The following TNXB variants were observed in gnomAD, a reference collection of about 807,000 sequenced individuals.
The protein encoded by TNXB is tenascin-X.
Under a neutral mutation model 340.5 loss-of-function variants are expected in TNXB, and 183 were observed. That is an observed-to-expected ratio of 0.54 (90% CI 0.48 to 0.61). The LOEUF (loss-of-function observed/expected upper bound fraction) is 0.61, where lower values mean the gene tolerates loss of function less well. TNXB is among the 20% of genes least tolerant of loss of function. The pLI, the probability that TNXB is intolerant of heterozygous loss-of-function variation, is 0.00. For missense variants in TNXB, 4,613 were observed against 5,446.4 expected, an observed-to-expected ratio of 0.85 and a Z score of 4.82; for synonymous variants, 2,121 against 2,314.5, an observed-to-expected ratio of 0.92 and a Z score of 2.40.
chr6:32,095,753 T>G lies in TNXB; in HGVS notation c.2100A>C (p.Ala700=). 6.2e-7 allele frequency: 1 copy of G among 1,613,708 alleles called. No individual in the cohort carries two copies. The highest frequency in any genetic ancestry group is 8.5e-7 in the Non-Finnish European group (1 of 1,179,796). ...AGCCCTCTACACACACACACTGGCC[T>G]GCCCGGCACAGTTCCCGGGGCCCGC... The part of the protein sequence containing the change: ...GGCGPRELCR[A]GQCVCVEGFR... The change falls in exon 3 of 44, where the codon GCA becomes GCC. Residue 700 remains alanine (A), a synonymous_variant. Coordinates refer to ENST00000644971, the MANE Select transcript of TNXB (RefSeq NM_001365276.2).
At chr6:32,057,300 G>C in intron 22 of TNXB, among the ~76,000 whole-genome samples, 1 of 152,188 alleles carries the variant, frequency 6.6e-6, no homozygotes, top group East Asian at 1.9e-4. Context: ...AGCCTGGGGT[G>C]TGTTCCTGGA....
rs759959912 is a variant in TNXB at position 32,070,264 on chromosome 6, G to A, written c.5141C>T (p.Pro1714Leu). The change falls in exon 14 of 44, where the codon CCC becomes CTC. Residue 1714 changes from proline to leucine, a missense_variant. Around this residue, in one of 7 missense-constraint regions of TNXB, gnomAD observed 4,327 missense variants for 4,859.4 expected, o/e 0.89. Coordinates refer to ENST00000644971, the MANE Select transcript of TNXB (RefSeq NM_001365276.2). The surrounding 1 kb of genome is among the most constrained non-coding windows in gnomAD (Gnocchi z 6.0). ...ATGGCCCTCCACGGGCACCACCTGG[G>A]GCCCGTCTTTGTCCTTGAACTGGAC... is the stretch of plus-strand genomic sequence containing the variant. ...FVVQFKDKDGPQVVPVEGHER... is the reference protein window; with the variant it reads ...FVVQFKDKDGLQVVPVEGHER... 10 of 1,612,642 alleles carry A rather than the reference G, an allele frequency of 6.2e-6. No individual in the cohort carries two copies. In the South Asian group the frequency reaches 8.8e-5, roughly 14 times the overall value.
In TNXB at chr6:32,069,520, G is replaced by A; in HGVS notation, c.5587+33C>T. ...CAGACCAGGAGAGCCAGGCGGGAAGGAGGCACAGGTGTTCCAGCTGCCGCA... is the reference window on the plus strand; with the variant it reads ...CAGACCAGGAGAGCCAGGCGGGAAGAAGGCACAGGTGTTCCAGCTGCCGCA... On this transcript the variant is annotated intron_variant, in intron 15 of 43. Coordinates refer to ENST00000644971, the MANE Select transcript of TNXB (RefSeq NM_001365276.2). The surrounding 1 kb of genome is among the most constrained non-coding windows in gnomAD (Gnocchi z 6.2). 1 of 1,520,214 alleles carries A rather than the reference G, an allele frequency of 6.6e-7. No homozygotes were observed. Among genetic ancestry groups the A allele is most frequent in the Non-Finnish European group, 8.8e-7 (1 of 1,132,678 alleles). 94.2% of individuals were successfully genotyped at this position (1,520,214 alleles called of 1,614,324 possible).
rs1049942223 is a variant in TNXB at position 32,084,218 on chromosome 6, T to G, written c.3445+195A>C. ...ACTGGCCATGCTCTCCCCACCTTACTCACCGTGACTCCCTCAGGCTGCACT... is the reference window on the plus strand; with the variant it reads ...ACTGGCCATGCTCTCCCCACCTTACGCACCGTGACTCCCTCAGGCTGCACT... On this transcript the variant is annotated intron_variant, in intron 8 of 43. Transcript: ENST00000644971. The surrounding 1 kb of genome is among the most constrained non-coding windows in gnomAD (Gnocchi z 5.5). 1.3e-5 allele frequency among the ~76,000 whole-genome samples: 2 copies of G among 152,122 alleles called. No individual in the cohort carries two copies. The highest frequency in any genetic ancestry group is 2.9e-5 in the Non-Finnish European group (2 of 68,018).
intron 4 of TNXB, chr6:32,093,149 C>T: frequency 2.1e-6 from 1 of 475,050 alleles, no homozygotes; most frequent in Non-Finnish European, 3.7e-6. Context: ...AAGAAACTTC[C>T]TTTTCGAAGT....
At chr6:32,102,353 C>T (rs1780761120) in intron 1 of TNXB, among the ~76,000 whole-genome samples, 1 of 152,116 alleles carries the variant, frequency 6.6e-6, no homozygotes, top group Non-Finnish European at 1.5e-5. Flanking sequence ...GAGATTTATT[C>T]CTATATTAGC....
Position 32,097,949 on chromosome 6 carries a change from C to T in TNXB, c.250G>A (p.Gly84Ser). The T allele has an allele frequency of 6.3e-7, 1 of 1,598,134 alleles. No individual in the cohort carries two copies. The highest frequency in any genetic ancestry group is 8.5e-7 in the Non-Finnish European group (1 of 1,170,898). Residue 84 changes from glycine to serine, a missense_variant, in exon 2 of 44, where the codon GGC (glycine) becomes AGC (serine). Physicochemically the swap from Gly to Ser is moderately conservative, Grantham distance 56. This residue lies in a region of TNXB where 4,327 missense variants were observed against 4,859.4 expected (regional missense o/e 0.89). Transcript: ENST00000644971. The surrounding 1 kb of genome is among the most constrained non-coding windows in gnomAD (Gnocchi z 5.9). ...TCGGTGCCTGGGGGACAGCCACAGC[C>T]AGTGGAAGGGGGCAGGTTAATGCGG... is the stretch of plus-strand genomic sequence containing the variant. The part of the protein sequence containing the change: ...THRINLPPST[G>S]CGCPPGTEPP...
chr6:32,041,371 C>G lies in TNXB; in HGVS notation c.12713G>C (p.Arg4238Pro), dbSNP rs746223901. Residue 4238 changes from arginine to proline, a missense_variant, in exon 44 of 44, where the codon CGC becomes CCC. Transcript: ENST00000644971. ...AGCTCAGCCTCCCCCCGCTGGGGAG[C>G]GAAAGTTTCTTGGTCTCAGCTTCAT... ...TEMKLRPRNF[R>P]SPAGGG 9.6e-7 allele frequency: 1 copy of G among 1,039,976 alleles called. No homozygotes were observed. Among genetic ancestry groups the G allele is most frequent in the Non-Finnish European group, 1.5e-6 (1 of 683,622 alleles). The allele number at this position is 1,039,976 out of a possible 1,614,324, so 64.4% of individuals were successfully genotyped here. A position where few individuals can be genotyped will look rare whatever the true frequency, so the allele number is the denominator to read the frequency against.
In TNXB at chr6:32,086,965, T is replaced by G. The variant is rs150726945; in HGVS notation, c.2780-847A>C. ...GTGCCCCAACCACATCACCCTCTAT[T>G]GCCTAAAATAACAATCCTGGAAGTG... On this transcript the variant is annotated intron_variant, in intron 6 of 43. Coordinates refer to ENST00000644971, the MANE Select transcript of TNXB (RefSeq NM_001365276.2). 1.2e-3 allele frequency among the ~76,000 whole-genome samples: 185 copies of G among 152,204 alleles called. 1 individual carries two copies. The highest frequency in any genetic ancestry group is 3.5e-3 in the South Asian group (17 of 4,824).
rs1426322188 is a variant in TNXB, at chr6:32,079,006, C to T, written c.4375+27G>A. On this transcript the variant is annotated intron_variant, in intron 11 of 43. Coordinates refer to ENST00000644971, the MANE Select transcript of TNXB (RefSeq NM_001365276.2). The surrounding 1 kb of genome is among the most constrained non-coding windows in gnomAD (Gnocchi z 7.1). ...CTGGGAGCCAGCAGTGGGAGGGAAC[C>T]AAAGCAGGCCCCTGCCCCTCACTCA... 6.3e-7 allele frequency: 1 copy of T among 1,595,600 alleles called. No homozygotes were observed. Among genetic ancestry groups the T allele is most frequent in the South Asian group, 1.1e-5 (1 of 89,882 alleles).
At chr6:32,078,271 AC>A (rs1454353423) in intron 11 of TNXB, among the ~76,000 whole-genome samples, 1 of 151,372 alleles carries the variant, frequency 6.6e-6, no homozygotes, top group Non-Finnish European at 1.5e-5. Context: ...AACACGGTGA[AC>A]CCCGTCTCTA....
rs1778498789 is a variant in TNXB at position 32,068,010 on chromosome 6, G to A, written c.6221-26C>T. The A allele has an allele frequency of 5.0e-6, 8 of 1,603,560 alleles. No individual in the cohort carries two copies. The highest frequency in any genetic ancestry group is 6.8e-6 in the Non-Finnish European group (8 of 1,173,768). ...CTGAGAAGGAGGAAGAGAGAGTGAG[G>A]GGGATGTCCTTGGGTACTGGGGAAA... On this transcript the variant is annotated intron_variant, in intron 17 of 43. Coordinates refer to ENST00000644971, the MANE Select transcript of TNXB (RefSeq NM_001365276.2). This position sits in a 1 kb window ranked among gnomAD's most constrained non-coding sequence, Gnocchi z 5.3.
chr6:32,084,140 C>A lies in TNXB; in HGVS notation c.3445+273G>T, dbSNP rs943899899. 6.6e-6 allele frequency among the ~76,000 whole-genome samples: 1 copy of A among 152,170 alleles called. No homozygotes were observed. Among genetic ancestry groups the A allele is most frequent in the Non-Finnish European group, 1.5e-5 (1 of 68,042 alleles). On this transcript the variant is annotated intron_variant, in intron 8 of 43. Coordinates refer to ENST00000644971, the MANE Select transcript of TNXB (RefSeq NM_001365276.2). The surrounding 1 kb of genome is among the most constrained non-coding windows in gnomAD (Gnocchi z 5.5). ...AGCCCTGAGACCAGGCCCTTTGGCA[C>A]CCCCCACATGCCCTGTTCTCCAGCC...
At chr6:32,077,957 G>A (rs577397400) in intron 11 of TNXB, among the ~76,000 whole-genome samples, 1 of 151,832 alleles carries the variant, frequency 6.6e-6, no homozygotes, top group South Asian at 2.1e-4. Flanking sequence ...AACCTGGGAG[G>A]CAAAGGTTGC....
Position 32,052,614 on chromosome 6 carries a change from ACAG to A in TNXB, c.9115+53_9115+55del. 2 of 1,584,638 alleles carry A rather than the reference ACAG, an allele frequency of 1.3e-6. No homozygotes were observed. Among genetic ancestry groups the A allele is most frequent in the African/African-American group, 1.3e-5 (1 of 74,332 alleles). The stretch of plus-strand genomic sequence containing the variant: ...GTATGTTTTCACGAAGACTGGAGAG[ACAG>A]CAGTGTCTTCCAGGGCCATCTTCCC... On this transcript the variant is annotated intron_variant, in intron 26 of 43. Transcript: ENST00000644971. This position sits in a 1 kb window ranked among gnomAD's most constrained non-coding sequence, Gnocchi z 4.7.
In TNXB at chr6:32,064,541, C is replaced by T. The variant is rs912959826; in HGVS notation, c.6841+280G>A. Among the ~76,000 whole-genome samples the T allele has an allele frequency of 2.0e-5, 3 of 152,112 alleles. No individual in the cohort carries two copies. The highest frequency in any genetic ancestry group is 2.9e-5 in the Non-Finnish European group (2 of 68,030). On this transcript the variant is annotated intron_variant, in intron 19 of 43. Transcript: ENST00000644971. This position sits in a 1 kb window ranked among gnomAD's most constrained non-coding sequence, Gnocchi z 5.3. ...GTTGTGTGAGTCTCTTGAGGACACA[C>T]AGCTCAAATGGGCTGAAGCTATGGT... is the stretch of plus-strand genomic sequence containing the variant.
Position 32,096,945 on chromosome 6 carries a change from C to G in TNXB, c.908G>C (p.Gly303Ala). The change falls in exon 3 of 44, where the codon GGC (glycine) becomes GCC (alanine). Residue 303 changes from glycine (G) to alanine (A), a missense_variant. This residue lies in a region of TNXB where 4,327 missense variants were observed against 4,859.4 expected (regional missense o/e 0.89). Transcript: ENST00000644971. ...GRCVCNPGYT[G>A]EDCGVRSCPR... ...GCAGCTCCTCACCCCACAGTCCTCG[C>G]CAGTGTAGCCGGGGTTACACACGCA... 3 of 1,594,816 alleles carry G rather than the reference C, an allele frequency of 1.9e-6. No homozygotes were observed. The highest frequency in any genetic ancestry group is 2.6e-6 in the Non-Finnish European group (3 of 1,163,692).
intron 1 of TNXB, among the ~76,000 whole-genome samples, chr6:32,101,930 C>T (rs1020927778): frequency 6.6e-6 from 1 of 152,096 alleles, no homozygotes; most frequent in Non-Finnish European, 1.5e-5. Flanking sequence ...TGCTGTGTTG[C>T]CCAGGCTGGC....
Position 32,085,912 on chromosome 6 carries a change from G to A in TNXB, c.2986C>T (p.Arg996Trp), listed in dbSNP as rs775825339. The change falls in exon 7 of 44, where the codon CGG becomes TGG. Residue 996 changes from arginine to tryptophan, a missense_variant. Arg to Trp is a moderately radical substitution (Grantham distance 101). Transcript: ENST00000644971. This position sits in a 1 kb window ranked among gnomAD's most constrained non-coding sequence, Gnocchi z 6.4. ...TGTGCCCCCGGCCCCTCGGGCACCCGCATGCGCAGTTGGAAGTAGGCAAAG... is the reference window on the plus strand; with the variant it reads ...TGTGCCCCCGGCCCCTCGGGCACCCACATGCGCAGTTGGAAGTAGGCAAAG... Reference protein sequence around the residue: ...DTFAYFQLRMRVPEGPGAHEE... With the variant: ...DTFAYFQLRMWVPEGPGAHEE... 1.4e-5 allele frequency: 23 copies of A among 1,608,520 alleles called. No homozygotes were observed. The highest frequency in any genetic ancestry group is 2.2e-5 in the South Asian group (2 of 90,176).
Sources: gnomAD v4.1 joint callset for allele counts (sites outside exome capture counted in the v4.1 genomes callset) on GRCh38, gnomAD v4.1.1 for gene constraint, gnomAD v4.1.1 regional missense constraint, Gnocchi (gnomAD v3.1) non-coding constraint, MANE v1.5 for transcripts, NCBI Gene and HGNC (gene_info 2026-07-23, HGNC 2026-07-21) for gene names.